Variants in CDC42SE2 observed in about 807,000 individuals in gnomAD.
CDC42SE2 encodes CDC42 small effector 2.
Under a neutral mutation model 11.5 loss-of-function variants are expected in CDC42SE2, and 3 were observed. The observed-to-expected ratio is 0.26, with a 90% CI of 0.12 to 0.67. The LOEUF (loss-of-function observed/expected upper bound fraction) is 0.67. Ranked by LOEUF, CDC42SE2 falls within the 30% of genes least tolerant of loss-of-function variation. The pLI, the probability that CDC42SE2 is intolerant of heterozygous loss-of-function variation, is 0.80. For missense variants in CDC42SE2, 82 were observed against 106.8 expected, an observed-to-expected ratio of 0.77 and a Z score of 1.02; for synonymous variants, 33 against 34.8, an observed-to-expected ratio of 0.95 and a Z score of 0.18.
intron 1 of CDC42SE2, among the ~76,000 whole-genome samples, chr5:131,272,404 C>G (rs576677213): frequency 6.6e-6 from 1 of 152,228 alleles, no homozygotes; most frequent in South Asian, 2.1e-4. Flanking sequence ...TCTAGCCTCC[C>G]TTTTTTCCTC....
chr5:131,335,670 T>G (rs1382461958), intron 2 of CDC42SE2, among the ~76,000 whole-genome samples: 2 of 152,370 alleles, frequency 1.3e-5, no homozygotes, highest in African/African-American at 4.8e-5. Context: ...GATGCACATG[T>G]ATTTAGGATA....
At chr5:131,278,434 G>T (rs1455958661) in intron 1 of CDC42SE2, among the ~76,000 whole-genome samples, 4 of 151,906 alleles carry the variant, frequency 2.6e-5, no homozygotes, top group Non-Finnish European at 5.9e-5. Context: ...ATGATTCTTA[G>T]ATCAGAGTAG....
Position 131,359,474 on chromosome 5 carries a change from A to G in CDC42SE2, c.-20A>G. 6.2e-7 allele frequency: 1 copy of G among 1,606,406 alleles called. No homozygotes were observed. The highest frequency in any genetic ancestry group is 8.5e-7 in the Non-Finnish European group (1 of 1,172,948). ...AGATTTGGAACCTTCATTGGTGCTC[A>G]TTTACTGTGGACTGTAAGCATGAGT... On this transcript the variant is annotated 5_prime_UTR_variant, in exon 3 of 5. Transcript: ENST00000505065.
chr5:131,388,195 A>G (rs80176889), intron 4 of CDC42SE2, among the ~76,000 whole-genome samples: 6,711 of 152,086 alleles, frequency 0.044, 527 homozygotes, highest in African/African-American at 0.15. Context: ...GGGTTTCACC[A>G]TGTTGGCGAG....
chr5:131,276,673 A>G (rs1264420501), intron 1 of CDC42SE2, among the ~76,000 whole-genome samples: 20 of 151,490 alleles, frequency 1.3e-4, no homozygotes, highest in Admixed American at 1.3e-3. Context: ...ATATCTTTAC[A>G]GTTTTTGTAA....
At chr5:131,381,873 C>G (rs1750337479) in intron 3 of CDC42SE2, among the ~76,000 whole-genome samples, 1 of 152,222 alleles carries the variant, frequency 6.6e-6, no homozygotes, top group Admixed American at 6.5e-5. Flanking sequence ...CAGTCCTTTA[C>G]AAACTCTATG....
chr5:131,387,364 T>C (rs1396511790), intron 4 of CDC42SE2, among the ~76,000 whole-genome samples: 1 of 152,032 alleles, frequency 6.6e-6, no homozygotes, highest in Non-Finnish European at 1.5e-5. Context: ...GCCTGAGCAA[T>C]GTAGTGAAAC....
intron 1 of CDC42SE2, among the ~76,000 whole-genome samples, chr5:131,294,986 G>A (rs1757539172): frequency 6.6e-6 from 1 of 152,120 alleles, no homozygotes. Flanking sequence ...AATTAGCCAG[G>A]CGTGATGGCA....
At chr5:131,378,041 CTG>C (rs1297524492) in intron 3 of CDC42SE2, among the ~76,000 whole-genome samples, 2 of 152,182 alleles carry the variant, frequency 1.3e-5, no homozygotes, top group East Asian at 1.9e-4. Context: ...GAAAATCAAA[CTG>C]TAAGCAAGTA....
intron 3 of CDC42SE2, among the ~76,000 whole-genome samples, chr5:131,379,503 A>C (rs575720357): frequency 1.4e-4 from 22 of 152,370 alleles, no homozygotes; most frequent in African/African-American, 5.3e-4. Flanking sequence ...TGTTTAGATA[A>C]GGATGCAAAT....
chr5:131,246,243 G>A (rs553910637), intron 1 of CDC42SE2, among the ~76,000 whole-genome samples: 67 of 152,266 alleles, frequency 4.4e-4, no homozygotes, highest in Admixed American at 3.3e-3. Flanking sequence ...ATTACCTGAG[G>A]TCAGGAGTTC....
chr5:131,242,034 C>A (rs911189244), upstream of CDC42SE2, among the ~76,000 whole-genome samples: 5 of 152,142 alleles, frequency 3.3e-5, no homozygotes, highest in African/African-American at 1.2e-4. Context: ...AATAGTATTG[C>A]TATTCATTTG....
rs560543504 is a variant in CDC42SE2, at chr5:131,267,118, G to C, written c.-455+2952G>C. Among the ~76,000 whole-genome samples the C allele has an allele frequency of 2.0e-5, 3 of 148,136 alleles. No homozygotes were observed. In the East Asian group the frequency reaches 6.0e-4, roughly 30 times the overall value. ...TTGCCAGGCTGGAGTGCAGTGGCGC[G>C]ATCTCGGCTCACTGCAACCTCCACC... On this transcript the variant is annotated intron_variant, in intron 1 of 4. Transcript: ENST00000505065.
At chr5:131,325,831 C>G (rs1005781639) in intron 2 of CDC42SE2, among the ~76,000 whole-genome samples, 2 of 152,182 alleles carry the variant, frequency 1.3e-5, no homozygotes, top group African/African-American at 4.8e-5. Flanking sequence ...AATCAGATTT[C>G]CCTTTCACTA....
At chr5:131,268,139 T>C (rs1483900912) in intron 1 of CDC42SE2, among the ~76,000 whole-genome samples, 3 of 138,634 alleles carry the variant, frequency 2.2e-5, no homozygotes, top group Non-Finnish European at 3.0e-5. Context: ...CTCGGCTCAC[T>C]GCAACCTCTG....
intron 2 of CDC42SE2, among the ~76,000 whole-genome samples, chr5:131,333,483 G>GT (rs1356853181): frequency 2.6e-5 from 4 of 152,184 alleles, no homozygotes; most frequent in African/African-American, 9.7e-5. Flanking sequence ...CTTGAAAGTA[G>GT]TTTTTTCCAA....
chr5:131,305,406 A>G (rs1057320135), intron 1 of CDC42SE2, among the ~76,000 whole-genome samples: 5 of 152,244 alleles, frequency 3.3e-5, no homozygotes, highest in African/African-American at 1.2e-4. Flanking sequence ...GGCAGTAAGT[A>G]TAGACAGAAA....
chr5:131,258,232 T>C (rs908545860), intron 2 of CDC42SE2, among the ~76,000 whole-genome samples: 6 of 152,288 alleles, frequency 3.9e-5, no homozygotes, highest in Admixed American at 3.9e-4. Flanking sequence ...TTATTGTTTT[T>C]TTTTCTGTGT....
rs1327076048 is a variant in CDC42SE2, at chr5:131,278,519, T to C, written c.-455+14353T>C. 3.3e-5 allele frequency among the ~76,000 whole-genome samples: 5 copies of C among 151,212 alleles called. No individual in the cohort carries two copies. The East Asian group carries it at 7.9e-4, about 24-fold the overall frequency. On this transcript the variant is annotated intron_variant, in intron 1 of 4. Coordinates refer to ENST00000505065, the MANE Select transcript of CDC42SE2 (RefSeq NM_001375635.1). Reference sequence around the variant, plus strand: ...CTCTCCAGCTCCATGTGTGACATCATGTTAGTAGCTTGAAACTGGCCATGG... The same window carrying C: ...CTCTCCAGCTCCATGTGTGACATCACGTTAGTAGCTTGAAACTGGCCATGG...
Sources: gnomAD v4.1 joint callset for allele counts (sites outside exome capture counted in the v4.1 genomes callset) on GRCh38, gnomAD v4.1.1 for gene constraint, MANE v1.5 for transcripts, NCBI Gene and HGNC (gene_info 2026-07-23, HGNC 2026-07-21) for gene names.